ENTPD5: variants seen among roughly 807,000 people sequenced by gnomAD.
ENTPD5 encodes nucleoside diphosphate phosphatase ENTPD5.
Under a neutral mutation model 60.2 loss-of-function variants are expected in ENTPD5, and 49 were observed. The ratio of observed to expected loss-of-function variants is 0.81; its 90% CI spans 0.65 to 1.03. The LOEUF (loss-of-function observed/expected upper bound fraction) is 1.03. ENTPD5 is among the 50% of genes least tolerant of loss of function. ENTPD5 has a pLI of 0.00. For synonymous variants in ENTPD5, 187 were observed against 185.4 expected (o/e 1.01, Z -0.07); for missense variants, 480 against 507.6 (o/e 0.95, Z 0.52).
At position 74,010,043 on chromosome 14, in the gene ENTPD5, GC is replaced by G. The variant is rs551399214; in HGVS notation, c.-71+1047del. Reference sequence around the variant, plus strand: ...CTGATCTCGTGATCCGCCTGCCTCGGCCTCTCAAAGTGCTGGGATTACAGGC... The same window carrying G: ...CTGATCTCGTGATCCGCCTGCCTCGGCTCTCAAAGTGCTGGGATTACAGGC... On this transcript the variant is annotated intron_variant, in intron 3 of 15. Coordinates refer to ENST00000334696, the MANE Select transcript of ENTPD5 (RefSeq NM_001249.5). 1.1e-3 allele frequency among the ~76,000 whole-genome samples: 175 copies of G among 152,252 alleles called. 1 individual carries two copies. The highest frequency in any genetic ancestry group is 4.1e-3 in the African/African-American group (170 of 41,562).
intron 11 of ENTPD5, 86 bp downstream of exon 11, chr14:73,974,838 A>C: frequency 1.8e-6 from 2 of 1,085,070 alleles, no homozygotes; most frequent in Non-Finnish European, 2.8e-6. Context: ...TTTCCTTCAT[A>C]GAATGGCTAT....
At chr14:73,989,092 G>A (rs2140654015) in intron 3 of ENTPD5, among the ~76,000 whole-genome samples, 1 of 151,958 alleles carries the variant, frequency 6.6e-6, no homozygotes, top group Admixed American at 6.6e-5. Flanking sequence ...AAAGTGCTGG[G>A]ATTACAGGCA....
chr14:73,961,205 C>T (rs1279513538), downstream of ENTPD5: 5 of 1,613,886 alleles, frequency 3.1e-6, no homozygotes, highest in South Asian at 5.5e-5. Flanking sequence ...ACTTCATCGA[C>T]ACAGCTGGTG....
At chr14:73,959,254 C>T, downstream of ENTPD5, 1 of 1,614,254 alleles carries the variant, frequency 6.2e-7, no homozygotes, top group Non-Finnish European at 8.5e-7. Context: ...AGTCCGCCCA[C>T]ATGCATGCAA....
chr14:73,979,371 G>A (rs1407121850), intron 6 of ENTPD5, among the ~76,000 whole-genome samples: 1 of 151,246 alleles, frequency 6.6e-6, no homozygotes, highest in East Asian at 1.9e-4. Context: ...TCTTCCTGAA[G>A]TAGAATGTAA....
chr14:74,001,745 G>C (rs2058519156), intron 3 of ENTPD5, among the ~76,000 whole-genome samples: 1 of 148,276 alleles, frequency 6.7e-6, no homozygotes, highest in East Asian at 2.1e-4. Flanking sequence ...CTATTCAGGA[G>C]GCTGAGGTAT....
rs543363754 is a variant in ENTPD5, at chr14:74,003,492, C to A, written c.-71+7599G>T. The A allele has an allele frequency of 1.2e-5, 17 of 1,408,526 alleles. No homozygotes were observed. In the South Asian group the frequency reaches 1.8e-4, roughly 15 times the overall value. The allele number at this position is 1,408,526 out of a possible 1,614,324, so 87.3% of individuals were successfully genotyped here. A position where few individuals can be genotyped will look rare whatever the true frequency, so the allele number is the denominator to read the frequency against. On this transcript the variant is annotated intron_variant, in intron 3 of 15. Transcript: ENST00000334696. ...CAAGTAAACCGCTAGCTTGTTGCAC[C>A]GTGGAGGCCACACAGGAGCAGAAAC...
intron 3 of ENTPD5, chr14:73,996,450 C>T (rs1221783364): frequency 6.6e-6 from 1 of 151,348 alleles, no homozygotes; most frequent in African/African-American, 2.4e-5. Flanking sequence ...TTCTCAATAC[C>T]TTCCATCCCT....
chr14:74,005,007 A>G (rs1254029424), intron 3 of ENTPD5, among the ~76,000 whole-genome samples: 1 of 152,078 alleles, frequency 6.6e-6, no homozygotes, highest in African/African-American at 2.4e-5. Flanking sequence ...TTCAATAAAC[A>G]CATCTTACAT....
At chr14:73,987,363 A>C (rs1182095872) in intron 4 of ENTPD5, among the ~76,000 whole-genome samples, 3 of 152,210 alleles carry the variant, frequency 2.0e-5, no homozygotes, top group Non-Finnish European at 4.4e-5. Flanking sequence ...CAGACAGCCC[A>C]GCTCTCTTCT....
intron 15 of ENTPD5, among the ~76,000 whole-genome samples, chr14:73,968,667 C>T (rs3784042): frequency 0.11 from 17,126 of 152,044 alleles, 1,258 homozygotes; most frequent in Admixed American, 0.19. Flanking sequence ...CTCAGGTGAT[C>T]CGCCCGCCTC....
At chr14:73,962,734 T>C, downstream of ENTPD5, 1 of 536,338 alleles carries the variant, frequency 1.9e-6, no homozygotes, top group African/African-American at 1.9e-5. Flanking sequence ...GGAGGATTGC[T>C]TGAGCCTAGG....
intron 7 of ENTPD5, 78 bp from the exon 8 acceptor site, chr14:73,977,137 TCCTCTCTAAA>T: frequency 5.8e-6 from 8 of 1,388,338 alleles, no homozygotes; most frequent in Non-Finnish European, 8.1e-6. Flanking sequence ...TTTTTTTTTT[TCCTCTCTAAA>T]TTCCATGTCT....
chr14:73,996,659 C>G (rs1016889384), intron 3 of ENTPD5: 21 of 152,072 alleles, frequency 1.4e-4, no homozygotes, highest in Admixed American at 7.9e-4. Context: ...CTGGAGAAAA[C>G]AGGGCTGGGC....
chr14:73,975,297 A>G (rs1042390523), intron 10 of ENTPD5, among the ~76,000 whole-genome samples: 4 of 152,044 alleles, frequency 2.6e-5, no homozygotes, highest in Non-Finnish European at 2.9e-5. Flanking sequence ...CTGGGATCAC[A>G]TTCCAGGCTG....
At chr14:73,974,804 T>A in intron 11 of ENTPD5, 120 bp downstream of exon 11, 1 of 807,292 alleles carries the variant, frequency 1.2e-6, no homozygotes, top group Non-Finnish European at 2.1e-6. Flanking sequence ...TATACAACAT[T>A]TGCCTCCCAA....
intron 6 of ENTPD5, among the ~76,000 whole-genome samples, chr14:73,979,057 C>G (rs1053508213): frequency 1.3e-5 from 2 of 152,216 alleles, no homozygotes; most frequent in African/African-American, 4.8e-5. Context: ...TGCTGACCTC[C>G]TGGATGCTGT....
intron 2 of ENTPD5, among the ~76,000 whole-genome samples, chr14:74,013,664 T>C (rs1381730784): frequency 6.6e-6 from 1 of 152,042 alleles, no homozygotes; most frequent in African/African-American, 2.4e-5. Context: ...TACTGTTAAG[T>C]GTTTGTGTAT....
intron 3 of ENTPD5, among the ~76,000 whole-genome samples, chr14:74,010,539 A>G (rs1240445720): frequency 6.6e-6 from 1 of 151,690 alleles, no homozygotes; most frequent in Non-Finnish European, 1.5e-5. Flanking sequence ...GGGCAACAAG[A>G]GCGAAACTCT....
Sources: allele counts gnomAD v4.1 joint callset (sites outside exome capture counted in the v4.1 genomes callset), GRCh38; gene constraint gnomAD v4.1.1; transcripts MANE v1.5; gene names NCBI Gene and HGNC (gene_info 2026-07-23, HGNC 2026-07-21).